The following VPS13B variants were observed in gnomAD, a reference collection of about 807,000 sequenced individuals.
VPS13B encodes vacuolar protein sorting 13 homolog B, also known as intermembrane lipid transfer protein VPS13B.
Under a neutral mutation model 426.4 loss-of-function variants are expected in VPS13B, and 285 were observed. That is an observed-to-expected ratio of 0.67 (90% CI 0.61 to 0.74). VPS13B has a LOEUF of 0.74. VPS13B is among the 30% of genes least tolerant of loss of function. The pLI is 0.00. For missense variants in VPS13B, 4,537 were observed against 4,782.6 expected (o/e 0.95, Z 1.51); for synonymous variants, 1,676 against 1,676.4 (o/e 1.00, Z 0.01).
intron 11 of VPS13B, 111 bp downstream of exon 11, chr8:99,135,844 T>C (rs1810044615): frequency 1.4e-6 from 2 of 1,416,140 alleles, no homozygotes; most frequent in Non-Finnish European, 2.0e-6. Context: ...TGAATGCTAA[T>C]TGTTTATTAA....
intron 56 of VPS13B, among the ~76,000 whole-genome samples, chr8:99,856,799 C>A (rs1416503488): frequency 2.0e-5 from 3 of 152,144 alleles, no homozygotes; most frequent in African/African-American, 7.2e-5. Context: ...CAAGACTGCA[C>A]CACTGCACTC....
intron 33 of VPS13B, among the ~76,000 whole-genome samples, chr8:99,628,274 A>G (rs1828697398): frequency 6.6e-6 from 1 of 152,220 alleles, no homozygotes; most frequent in African/African-American, 2.4e-5. Context: ...ATTTGCTAAA[A>G]TAGAGACACC....
intron 17 of VPS13B, among the ~76,000 whole-genome samples, chr8:99,265,202 C>G (rs1381384117): frequency 6.6e-6 from 1 of 152,120 alleles, no homozygotes; most frequent in African/African-American, 2.4e-5. Flanking sequence ...ATCTGCCTGT[C>G]ACATTTGTGA....
intron 19 of VPS13B, among the ~76,000 whole-genome samples, chr8:99,298,206 C>A (rs1051850271): frequency 1.3e-5 from 2 of 152,050 alleles, no homozygotes; most frequent in Admixed American, 1.3e-4. Context: ...ATACTTTTGT[C>A]GGCCGGGTGC....
rs550054467 is a variant in VPS13B, at chr8:99,090,311, A to C, written c.292-6001A>C. Among the ~76,000 whole-genome samples the C allele has an allele frequency of 2.1e-5, 3 of 146,174 alleles. No homozygotes were observed. In the Admixed American group the frequency reaches 2.1e-4, roughly 10 times the overall value. ...CACACAGAGTCTCTCTCTGTCACCCAGGCAGGAGTGCAGTGGTGCGATCTT... is the reference window on the plus strand; with the variant it reads ...CACACAGAGTCTCTCTCTGTCACCCCGGCAGGAGTGCAGTGGTGCGATCTT... On this transcript the variant is annotated intron_variant, in intron 3 of 61. Coordinates refer to ENST00000357162, the MANE Select transcript of VPS13B (RefSeq NM_152564.5).
intron 54 of VPS13B, among the ~76,000 whole-genome samples, chr8:99,845,670 G>T (rs57411128): frequency 0.021 from 3,242 of 152,280 alleles, 119 homozygotes; most frequent in African/African-American, 0.075. Context: ...GTATGGGAAG[G>T]TACTACACAA....
At chr8:99,153,391 G>A (rs139761008) in intron 14 of VPS13B, among the ~76,000 whole-genome samples, 10 of 151,104 alleles carry the variant, frequency 6.6e-5, no homozygotes, top group Middle Eastern at 3.4e-3. Flanking sequence ...TTTTTTTCCC[G>A]CTCTTTTTTG....
At chr8:99,036,373 A>G (rs1842747243) in intron 2 of VPS13B, among the ~76,000 whole-genome samples, 1 of 152,170 alleles carries the variant, frequency 6.6e-6, no homozygotes, top group African/African-American at 2.4e-5. Context: ...TACATAAATA[A>G]AGTATTTTTA....
At chr8:99,600,865 T>C (rs1827258456) in intron 33 of VPS13B, among the ~76,000 whole-genome samples, 1 of 152,214 alleles carries the variant, frequency 6.6e-6, no homozygotes, top group African/African-American at 2.4e-5. Flanking sequence ...GGCATCTCCC[T>C]GCACTTTGCA....
chr8:99,049,961 G>A (rs1392705365), intron 3 of VPS13B, among the ~76,000 whole-genome samples: 2 of 149,852 alleles, frequency 1.3e-5, no homozygotes, highest in Admixed American at 1.3e-4. Flanking sequence ...TGATTCTGTT[G>A]CTGAGACTTT....
intron 34 of VPS13B, among the ~76,000 whole-genome samples, chr8:99,651,409 T>G (rs902285683): frequency 1.3e-5 from 2 of 152,154 alleles, no homozygotes; most frequent in Non-Finnish European, 2.9e-5. Flanking sequence ...GAATTTTTAA[T>G]GAATATTAAT....
At chr8:99,764,477 G>A (rs779019205) in intron 39 of VPS13B, among the ~76,000 whole-genome samples, 4 of 146,534 alleles carry the variant, frequency 2.7e-5, no homozygotes, top group African/African-American at 5.1e-5. Context: ...GCAGTGGCGC[G>A]ATCTTGGCTC....
chr8:99,689,348 A>G (rs1413802565), intron 35 of VPS13B, among the ~76,000 whole-genome samples: 1 of 152,258 alleles, frequency 6.6e-6, no homozygotes, highest in African/African-American at 2.4e-5. Flanking sequence ...AGGAGCTCAC[A>G]GCTCACTGAA....
chr8:99,729,001 G>A (rs2130390898), intron 39 of VPS13B, among the ~76,000 whole-genome samples: 1 of 151,840 alleles, frequency 6.6e-6, no homozygotes, highest in South Asian at 2.1e-4. Flanking sequence ...AGGCCACCCA[G>A]TACTTTCCCC....
At chr8:99,447,139 C>A (rs920614806) in intron 23 of VPS13B, among the ~76,000 whole-genome samples, 1 of 152,092 alleles carries the variant, frequency 6.6e-6, no homozygotes, top group African/African-American at 2.4e-5. Context: ...TTAGAAATTT[C>A]TCTGTAGAAA....
intron 21 of VPS13B, among the ~76,000 whole-genome samples, chr8:99,423,852 G>A (rs935627478): frequency 3.3e-5 from 5 of 152,158 alleles, no homozygotes; most frequent in Admixed American, 3.3e-4. Context: ...TTTTGGAATA[G>A]GTGTGGTGTG....
At chr8:99,027,309 G>T (rs1842191788) in intron 2 of VPS13B, among the ~76,000 whole-genome samples, 1 of 151,026 alleles carries the variant, frequency 6.6e-6, no homozygotes, top group Admixed American at 6.6e-5. Context: ...TTGTCATTTT[G>T]CTAATTGCCT....
chr8:99,089,437 ACCTT>A (rs1461658531), intron 3 of VPS13B, among the ~76,000 whole-genome samples: 2 of 152,114 alleles, frequency 1.3e-5, no homozygotes, highest in Non-Finnish European at 2.9e-5. Context: ...GTCAGGCTAC[ACCTT>A]GGTTTTGTGC....
At chr8:99,562,276 C>T (rs565269989) in intron 31 of VPS13B, among the ~76,000 whole-genome samples, 69 of 151,888 alleles carry the variant, frequency 4.5e-4, no homozygotes, top group African/African-American at 1.5e-3. Context: ...TTTGCCCCCC[C>T]CATCCCCACC....
Sources: allele counts gnomAD v4.1 joint callset (sites outside exome capture counted in the v4.1 genomes callset), GRCh38; gene constraint gnomAD v4.1.1; transcripts MANE v1.5; gene names NCBI Gene and HGNC (gene_info 2026-07-23, HGNC 2026-07-21).